SGK1: variants seen among roughly 807,000 people sequenced by gnomAD.
SGK1 encodes the protein serine/threonine-protein kinase Sgk1.
Under a neutral mutation model 64.2 loss-of-function variants are expected in SGK1, and 26 were observed. That is an observed-to-expected ratio of 0.40 (90% confidence interval 0.30 to 0.56). SGK1 has a LOEUF of 0.56. Ranked by LOEUF, SGK1 falls within the 20% of genes least tolerant of loss-of-function variation. SGK1 has a pLI of 0.38. For missense variants in SGK1, 519 were observed against 645.6 expected, an observed-to-expected ratio of 0.80 and a Z score of 2.12; for synonymous variants, 265 against 239.7, an observed-to-expected ratio of 1.11 and a Z score of -0.98.
rs1042803008 is a variant in SGK1 at position 134,189,235 on chromosome 6, C to T, written c.362-14649G>A. On this transcript the variant is annotated intron_variant, in intron 3 of 13. Coordinates refer to ENST00000367858, the MANE Select transcript of SGK1 (RefSeq NM_001143676.3). ...GTGTGTGTGTGTGTGTGTGCGTGTG[C>T]GTGTGCATGTGTGTATATATAAATA... Among the ~76,000 whole-genome samples the T allele has an allele frequency of 1.4e-4, 21 of 149,092 alleles. No homozygotes were observed. The East Asian group carries it at 3.1e-3, about 22-fold the overall frequency.
chr6:134,239,773 G>C (rs1211589238), intron 2 of SGK1, among the ~76,000 whole-genome samples: 1 of 152,206 alleles, frequency 6.6e-6, no homozygotes, highest in Non-Finnish European at 1.5e-5. Context: ...AATTAAGCCA[G>C]TGTTATCTTT....
At chr6:134,222,930 A>C (rs1413518583) in intron 2 of SGK1, among the ~76,000 whole-genome samples, 1 of 152,174 alleles carries the variant, frequency 6.6e-6, no homozygotes, top group Non-Finnish European at 1.5e-5. Context: ...CTGGGTTATC[A>C]ATGTATTTTC....
chr6:134,178,980 C>T (rs1453663739), intron 3 of SGK1, among the ~76,000 whole-genome samples: 1 of 150,794 alleles, frequency 6.6e-6, no homozygotes, highest in Non-Finnish European at 1.5e-5. Flanking sequence ...TTTCACTCTT[C>T]TATTTTATTT....
At position 134,232,414 on chromosome 6, in the gene SGK1, AGAAAGAAAGAAAG is replaced by A. The variant is rs1327171670; in HGVS notation, c.286-24996_286-24984del. Among the ~76,000 whole-genome samples, 4 of 68,776 alleles carry A rather than the reference AGAAAGAAAGAAAG, an allele frequency of 5.8e-5. 1 individual carries two copies. The highest frequency in any genetic ancestry group is 3.5e-4 in the Admixed American group (2 of 5,782). 45.1% of individuals were successfully genotyped at this position (68,776 alleles called of 152,430 possible). Reference sequence around the variant, plus strand: ...AAAGAAAGAAGAAAAAGAAAGAAAGAGAAAGAAAGAAAGAAAGAAAGAAAGAAAGAAAGAAAGA... The same window carrying A: ...AAAGAAAGAAGAAAAAGAAAGAAAGAAAAGAAAGAAAGAAAGAAAGAAAGA... On this transcript the variant is annotated intron_variant, in intron 2 of 13. Transcript: ENST00000367858.
At chr6:134,176,509 C>T (rs982962301) in intron 3 of SGK1, among the ~76,000 whole-genome samples, 2 of 152,192 alleles carry the variant, frequency 1.3e-5, no homozygotes, top group Non-Finnish European at 1.5e-5. Flanking sequence ...GGGACGTGAG[C>T]CAGTGCTGGC....
At chr6:134,258,412 TAA>T (rs547026377) in intron 2 of SGK1, among the ~76,000 whole-genome samples, 3 of 151,746 alleles carry the variant, frequency 2.0e-5, no homozygotes, top group Non-Finnish European at 4.4e-5. Context: ...ATAATAATAA[TAA>T]AAAAAACCCA....
intron 1 of SGK1, among the ~76,000 whole-genome samples, chr6:134,267,888 T>C (rs1381995354): frequency 2.6e-5 from 4 of 152,222 alleles, no homozygotes; most frequent in Non-Finnish European, 5.9e-5. Context: ...GCATGCTTTG[T>C]CTTAAAAAGG....
chr6:134,206,869 G>GAAGAACAAA (rs1775795747), intron 3 of SGK1, among the ~76,000 whole-genome samples: 1 of 81,936 alleles, frequency 1.2e-5, no homozygotes, highest in African/African-American at 4.2e-5. Context: ...TCCGTCTCCA[G>GAAGAACAAA]AAAAAAAAAA....
intron 2 of SGK1, among the ~76,000 whole-genome samples, chr6:134,213,776 C>G (rs1775932394): frequency 6.6e-6 from 1 of 151,948 alleles, no homozygotes; most frequent in South Asian, 2.1e-4. Flanking sequence ...CTTTCTTTCC[C>G]TGGAATAAGG....
At chr6:134,181,648 G>T (rs1775333122) in intron 3 of SGK1, among the ~76,000 whole-genome samples, 1 of 151,226 alleles carries the variant, frequency 6.6e-6, no homozygotes, top group Non-Finnish European at 1.5e-5. Flanking sequence ...CCCGGCCCAA[G>T]TCTCTCCCAT....
chr6:134,278,951 G>A lies in SGK1; in HGVS notation c.70-16803C>T, dbSNP rs114563718. Among the ~76,000 whole-genome samples the A allele has an allele frequency of 6.9e-3, 1,048 of 152,172 alleles. 15 individuals are homozygous for A. Among genetic ancestry groups the A allele is most frequent in the African/African-American group, 0.023 (975 of 41,526 alleles). On this transcript the variant is annotated intron_variant, in intron 1 of 13. Transcript: ENST00000367858. ...AAAATGACTGTTAACATGAATCTGTGTAAATGGAGAAGGAAAAAGGATGCA... is the reference window on the plus strand; with the variant it reads ...AAAATGACTGTTAACATGAATCTGTATAAATGGAGAAGGAAAAAGGATGCA...
At chr6:134,199,194 A>T (rs1490057394) in intron 3 of SGK1, among the ~76,000 whole-genome samples, 3 of 152,202 alleles carry the variant, frequency 2.0e-5, no homozygotes, top group Non-Finnish European at 4.4e-5. Flanking sequence ...AGCAGAAAAG[A>T]TAACTATTGG....
chr6:134,184,763 A>G (rs1321330404), intron 3 of SGK1, among the ~76,000 whole-genome samples: 2 of 152,060 alleles, frequency 1.3e-5, no homozygotes, highest in Admixed American at 6.6e-5. Context: ...GGCTCACCAC[A>G]ACCTCTGCCT....
intron 1 of SGK1, among the ~76,000 whole-genome samples, chr6:134,266,537 C>T (rs1288141609): frequency 2.0e-5 from 3 of 152,074 alleles, no homozygotes; most frequent in African/African-American, 7.2e-5. Context: ...ACGGCTTGAA[C>T]CTCGGAGGCA....
chr6:134,171,382 AG>A (rs978042636), intron 11 of SGK1: 86 of 619,358 alleles, frequency 1.4e-4, no homozygotes, highest in South Asian at 1.2e-3. Context: ...GTGGAGGGTG[AG>A]GGGGTAGATG....
intron 1 of SGK1, among the ~76,000 whole-genome samples, chr6:134,279,934 T>C (rs1011564764): frequency 5.3e-5 from 8 of 152,236 alleles, no homozygotes; most frequent in African/African-American, 1.9e-4. Flanking sequence ...ATGCCTGCAA[T>C]CTAATCCCAA....
At chr6:134,216,687 A>G (rs557151088) in intron 2 of SGK1, among the ~76,000 whole-genome samples, 30 of 152,324 alleles carry the variant, frequency 2.0e-4, no homozygotes, top group South Asian at 8.3e-4. Context: ...GATATCATGT[A>G]CCTCTAAATG....
intron 3 of SGK1, among the ~76,000 whole-genome samples, chr6:134,195,996 C>A (rs921248206): frequency 2.0e-5 from 3 of 152,174 alleles, no homozygotes; most frequent in Non-Finnish European, 2.9e-5. Flanking sequence ...TGACATAATT[C>A]TTTCTCCAGG....
chr6:134,252,043 C>T (rs1347242772), intron 2 of SGK1, among the ~76,000 whole-genome samples: 1 of 152,210 alleles, frequency 6.6e-6, no homozygotes, highest in Non-Finnish European at 1.5e-5. Context: ...AGGCGTGAGC[C>T]ACCATGCCCA....
Sources: allele counts gnomAD v4.1 joint callset (sites outside exome capture counted in the v4.1 genomes callset), GRCh38; gene constraint gnomAD v4.1.1; transcripts MANE v1.5; gene names NCBI Gene and HGNC (gene_info 2026-07-23, HGNC 2026-07-21).